The following GNPAT variants were observed in gnomAD, a reference collection of about 807,000 sequenced individuals.
GNPAT encodes the protein glyceronephosphate O-acyltransferase.
Under a neutral mutation model 78.4 loss-of-function variants are expected in GNPAT, and 30 were observed. The ratio of observed to expected loss-of-function variants is 0.38; its 90% confidence interval spans 0.29 to 0.52. The LOEUF (loss-of-function observed/expected upper bound fraction) is 0.52. GNPAT is among the 20% of genes least tolerant of loss of function. The probability of loss-of-function intolerance (pLI) is 0.84; values close to 1 mark genes in which losing one functional copy is unlikely to be tolerated. For synonymous variants in GNPAT, 271 were observed against 281.1 expected (o/e 0.96, Z 0.36); for missense variants, 714 against 812.2 (o/e 0.88, Z 1.47).
chr1:231,253,499 A>G (rs1412830877), intron 2 of GNPAT, among the ~76,000 whole-genome samples: 1 of 152,178 alleles, frequency 6.6e-6, no homozygotes, highest in African/African-American at 2.4e-5. Flanking sequence ...GAGTTTATTC[A>G]GGTTTGTGGC....
intron 9 of GNPAT, among the ~76,000 whole-genome samples, chr1:231,270,413 T>C (rs759038043): frequency 2.6e-5 from 4 of 152,242 alleles, no homozygotes; most frequent in Non-Finnish European, 5.9e-5. Context: ...TTTCCAGTTA[T>C]GTAACTTGCT....
In GNPAT at chr1:231,275,477, G is replaced by A. The variant is rs1489933526; in HGVS notation, c.1916G>A (p.Gly639Glu). 6.3e-7 allele frequency: 1 copy of A among 1,598,654 alleles called. No individual in the cohort carries two copies. The highest frequency in any genetic ancestry group is 2.2e-5 in the East Asian group (1 of 44,808). Residue 639 changes from glycine (G) to glutamate (E), a missense_variant, in exon 14 of 16, where the codon GGA (glycine) becomes GAA (glutamate). Coordinates refer to ENST00000366647, the MANE Select transcript of GNPAT (RefSeq NM_014236.4). ...KNALAACVRL[G>E]VVEKKKINNN... is the part of the protein sequence containing the mutation. ...GCCTTAGCAGCCTGTGTGAGGCTCG[G>A]AGTAGTGGAGAAGAAGAAGATGTAA...
intron 1 of GNPAT, among the ~76,000 whole-genome samples, chr1:231,247,248 C>T (rs1426034047): frequency 6.6e-6 from 1 of 152,014 alleles, no homozygotes; most frequent in Non-Finnish European, 1.5e-5. Context: ...ACTGAGGAGC[C>T]ATCATCGATA....
chr1:231,272,485 A>G (rs1685597068), intron 11 of GNPAT, 94 bp downstream of exon 11: 1 of 756,746 alleles, frequency 1.3e-6, no homozygotes, highest in African/African-American at 1.7e-5. Context: ...GCAGTGTGCC[A>G]TCCCTTTCTT....
At chr1:231,270,199 A>T (rs1048324670) in intron 9 of GNPAT, 15 of 160,782 alleles carry the variant, frequency 9.3e-5, no homozygotes, top group Admixed American at 3.0e-4. Flanking sequence ...CCAATATGTC[A>T]GGTGATAAGC....
At chr1:231,261,308 T>C (rs890816841) in intron 3 of GNPAT, among the ~76,000 whole-genome samples, 1 of 152,182 alleles carries the variant, frequency 6.6e-6, no homozygotes, top group African/African-American at 2.4e-5. Context: ...AATTCCTTAG[T>C]ATCTGTATTT....
Position 231,267,803 on chromosome 1 carries a change from G to A in GNPAT, c.1179G>A (p.Leu393=), listed in dbSNP as rs1685433199. Reference sequence around the variant, plus strand: ...CCTGGACCCTAATAGTTGCTGTTCTGCTTCAGAACCGGCCATCCATGGACT... The same window carrying A: ...CCTGGACCCTAATAGTTGCTGTTCTACTTCAGAACCGGCCATCCATGGACT... ...LSPWTLIVAV[L]LQNRPSMDFD... The change falls in exon 9 of 16, where the codon CTG becomes CTA. Residue 393 remains leucine, a synonymous_variant. Transcript: ENST00000366647. 6.2e-7 allele frequency: 1 copy of A among 1,613,466 alleles called. No homozygotes were observed. The highest frequency in any genetic ancestry group is 1.3e-5 in the African/African-American group (1 of 74,920).
chr1:231,251,099 T>C lies in GNPAT; in HGVS notation c.217T>C (p.Cys73Arg), dbSNP rs1558325993. ...ITPCKPIDIK[C>R]SVLNSEEIHY... ...TCCATGTAAACCAATTGATATTAAA[T>C]GTAGTGTTCTCAATTCTGAGGAGAT... The change falls in exon 2 of 16, where the codon TGT (cysteine) becomes CGT (arginine). Residue 73 changes from cysteine to arginine, a missense_variant. By Grantham distance (180) the Cys-to-Arg change is radical. Coordinates refer to ENST00000366647, the MANE Select transcript of GNPAT (RefSeq NM_014236.4). 2.5e-6 allele frequency: 4 copies of C among 1,596,452 alleles called. No individual in the cohort carries two copies. Among genetic ancestry groups the C allele is most frequent in the Admixed American group, 1.7e-5 (1 of 59,864 alleles).
intron 2 of GNPAT, among the ~76,000 whole-genome samples, chr1:231,255,096 G>A (rs1685011605): frequency 6.6e-6 from 1 of 151,950 alleles, no homozygotes; most frequent in Admixed American, 6.6e-5. Flanking sequence ...TCAACTTCCT[G>A]TGATCAAATC....
Position 231,267,891 on chromosome 1 carries a change from C to G in GNPAT, c.1267C>G (p.Leu423Val). 1 of 1,599,346 alleles carries G rather than the reference C, an allele frequency of 6.3e-7. No individual in the cohort carries two copies. The highest frequency in any genetic ancestry group is 8.6e-7 in the Non-Finnish European group (1 of 1,166,512). ...KGLTQAFGGF[L>V]IWPDNKPAEE... ...CTTAACCCAGGCATTTGGAGGGTTT[C>G]TCATTTGGCCTGGTATGTAGGTAGG... is the stretch of plus-strand genomic sequence containing the variant. Residue 423 changes from leucine (L) to valine (V), a missense_variant, in exon 9 of 16, where the codon CTC becomes GTC. Coordinates refer to ENST00000366647, the MANE Select transcript of GNPAT (RefSeq NM_014236.4).
intron 9 of GNPAT, 23 bp from the exon 10 acceptor site, chr1:231,270,735 G>A: frequency 1.2e-6 from 2 of 1,613,712 alleles, no homozygotes; most frequent in Non-Finnish European, 1.7e-6. Context: ...CATCTTGTTT[G>A]AATGAATTGT....
chr1:231,257,485 ACACT>A (rs1685098334), intron 2 of GNPAT, among the ~76,000 whole-genome samples: 1 of 151,936 alleles, frequency 6.6e-6, no homozygotes, highest in South Asian at 2.1e-4. Context: ...TTATTGTTAC[ACACT>A]CTCTTCTTCA....
chr1:231,241,371 G>T lies in GNPAT; in HGVS notation c.-8G>T, dbSNP rs1684596532. On this transcript the variant is annotated 5_prime_UTR_variant, in exon 1 of 16. Coordinates refer to ENST00000366647, the MANE Select transcript of GNPAT (RefSeq NM_014236.4). ...ATCCCAGACCCCGCCCGGGAAGGCA[G>T]CCGCACCATGGAGTCTTCCAGTTCA... The T allele has an allele frequency of 6.2e-7, 1 of 1,611,508 alleles. No individual in the cohort carries two copies. The highest frequency in any genetic ancestry group is 1.1e-5 in the South Asian group (1 of 91,040).
chr1:231,248,287 T>G (rs1294009035), intron 1 of GNPAT, among the ~76,000 whole-genome samples: 1 of 152,110 alleles, frequency 6.6e-6, no homozygotes, highest in Non-Finnish European at 1.5e-5. Context: ...ACTAAGAAAA[T>G]CATAAGAGAA....
chr1:231,249,336 C>T (rs538448836), intron 1 of GNPAT, among the ~76,000 whole-genome samples: 2 of 152,286 alleles, frequency 1.3e-5, no homozygotes, highest in South Asian at 4.1e-4. Context: ...TTGTATGTTT[C>T]ACCTGCCACC....
At chr1:231,271,741 C>T (rs940826955) in intron 10 of GNPAT, among the ~76,000 whole-genome samples, 3 of 152,186 alleles carry the variant, frequency 2.0e-5, no homozygotes, top group Admixed American at 2.0e-4. Context: ...ATGAAGCGTC[C>T]TGGCCTCTAA....
At chr1:231,263,118 G>C (rs758570550) in intron 4 of GNPAT, among the ~76,000 whole-genome samples, 2 of 152,086 alleles carry the variant, frequency 1.3e-5, no homozygotes, top group Non-Finnish European at 2.9e-5. Context: ...GCTGCCTTTT[G>C]CTTTTTTTAT....
chr1:231,271,824 C>T (rs575213576), intron 10 of GNPAT, among the ~76,000 whole-genome samples: 11 of 152,238 alleles, frequency 7.2e-5, no homozygotes, highest in Middle Eastern at 3.4e-3. Context: ...ATGCTAGGGC[C>T]GGGCGCAGTG....
chr1:231,256,676 C>T (rs6674439), intron 2 of GNPAT, among the ~76,000 whole-genome samples: 76,210 of 151,426 alleles, frequency 0.5, 19,348 homozygotes, highest in South Asian at 0.57. Context: ...TTAGTAGAGA[C>T]GAGGTTTCAC....
Sources: allele counts gnomAD v4.1 joint callset (sites outside exome capture counted in the v4.1 genomes callset), GRCh38; gene constraint gnomAD v4.1.1; transcripts MANE v1.5; gene names NCBI Gene and HGNC (gene_info 2026-07-23, HGNC 2026-07-21).